Variants in PTPRK observed in about 807,000 individuals in gnomAD.
PTPRK encodes the protein receptor-type tyrosine-protein phosphatase kappa.
Under a neutral mutation model 178.0 loss-of-function variants are expected in PTPRK, and 75 were observed. The observed-to-expected ratio is 0.42, with a 90% CI of 0.35 to 0.51. PTPRK has a LOEUF of 0.51. Ranked by LOEUF, PTPRK falls within the 20% of genes least tolerant of loss-of-function variation. The pLI is 0.02. For missense variants in PTPRK, 1,441 were observed against 1,797.8 expected (o/e 0.80, Z 3.59); for synonymous variants, 637 against 620.6 (o/e 1.03, Z -0.39).
rs77003085 is a variant in PTPRK, at chr6:128,328,659, G to C, written c.224-6349C>G. ...AGGTTCTCAAATGTTTTAGTCTCAG[G>C]ACCCCTTTATACTTGTGATACTAAG... On this transcript the variant is annotated intron_variant, in intron 2 of 29. Transcript: ENST00000368226. Among the ~76,000 whole-genome samples the C allele has an allele frequency of 3.5e-3, 533 of 152,060 alleles. 2 individuals carry two copies. Among genetic ancestry groups the C allele is most frequent in the African/African-American group, 0.012 (509 of 41,462 alleles).
At chr6:128,171,624 T>C (rs1221511386) in intron 7 of PTPRK, among the ~76,000 whole-genome samples, 1 of 152,028 alleles carries the variant, frequency 6.6e-6, no homozygotes, top group Non-Finnish European at 1.5e-5. Context: ...ATGTACTGTT[T>C]GTAATAAGGG....
At chr6:127,995,132 G>T in intron 18 of PTPRK, 2 of 1,021,966 alleles carry the variant, frequency 2.0e-6, no homozygotes, top group East Asian at 2.6e-5. Context: ...ATTGTATGAA[G>T]CTAATTAGGT....
intron 7 of PTPRK, among the ~76,000 whole-genome samples, chr6:128,162,138 G>C (rs1798795689): frequency 1.3e-5 from 2 of 151,494 alleles, no homozygotes; most frequent in Non-Finnish European, 3.0e-5. Context: ...ACCTAATGAG[G>C]ATACTAGTTT....
chr6:128,026,926 A>G (rs1774412651), intron 13 of PTPRK, among the ~76,000 whole-genome samples: 1 of 152,154 alleles, frequency 6.6e-6, no homozygotes, highest in African/African-American at 2.4e-5. Flanking sequence ...CACAGCCTGT[A>G]GTCTAGTAGG....
At chr6:128,252,687 C>T (rs1816657770) in intron 3 of PTPRK, among the ~76,000 whole-genome samples, 1 of 152,104 alleles carries the variant, frequency 6.6e-6, no homozygotes, top group South Asian at 2.1e-4. Flanking sequence ...CACAAGCACA[C>T]CCACTCAACA....
At position 128,155,988 on chromosome 6, in the gene PTPRK, T is replaced by C. The variant is rs554870981; in HGVS notation, c.1162+28444A>G. 1.6e-4 allele frequency among the ~76,000 whole-genome samples: 24 copies of C among 152,046 alleles called. No homozygotes were observed. The East Asian group carries it at 4.1e-3, about 26-fold the overall frequency. ...CATAATTCTGCTGTCCACCTATCCA[T>C]TCCAGGGTACAAACACCAAGTTTAA... is the stretch of plus-strand genomic sequence containing the variant. On this transcript the variant is annotated intron_variant, in intron 7 of 29. Coordinates refer to ENST00000368226, the MANE Select transcript of PTPRK (RefSeq NM_002844.4).
intron 7 of PTPRK, among the ~76,000 whole-genome samples, chr6:128,127,880 C>A (rs1420581635): frequency 6.6e-6 from 1 of 152,078 alleles, no homozygotes; most frequent in Non-Finnish European, 1.5e-5. Flanking sequence ...TCCAATTATT[C>A]CTCTTTCAAG....
intron 6 of PTPRK, among the ~76,000 whole-genome samples, chr6:128,207,333 G>A (rs1017762348): frequency 6.6e-6 from 1 of 152,076 alleles, no homozygotes; most frequent in African/African-American, 2.4e-5. Context: ...CACCTACAGT[G>A]CTTCTCTAAT....
rs527880574 is a variant in PTPRK at position 128,129,025 on chromosome 6, A to T, written c.1163-39033T>A. On this transcript the variant is annotated intron_variant, in intron 7 of 29. Transcript: ENST00000368226. Reference sequence around the variant, plus strand: ...ACAGGCCTATTGATTTCATCAGGACATATTTCCACTAATTGCACATACTGC... The same window carrying T: ...ACAGGCCTATTGATTTCATCAGGACTTATTTCCACTAATTGCACATACTGC... Among the ~76,000 whole-genome samples, 212 of 152,350 alleles carry T rather than the reference A, an allele frequency of 1.4e-3. 1 individual carries two copies. The highest frequency in any genetic ancestry group is 5.0e-3 in the African/African-American group (208 of 41,586).
chr6:128,023,377 T>C (rs1773815632), intron 13 of PTPRK, among the ~76,000 whole-genome samples: 3 of 152,190 alleles, frequency 2.0e-5, no homozygotes, highest in Admixed American at 1.3e-4. Context: ...CAAATTTTCT[T>C]CATCAAACCT....
chr6:128,480,418 T>G (rs1321370542), intron 1 of PTPRK, among the ~76,000 whole-genome samples: 1 of 151,970 alleles, frequency 6.6e-6, no homozygotes, highest in Admixed American at 6.6e-5. Context: ...TTGTGACTCT[T>G]TCTCTTCTTT....
At chr6:128,252,546 A>G (rs1217401457) in intron 3 of PTPRK, among the ~76,000 whole-genome samples, 1 of 152,166 alleles carries the variant, frequency 6.6e-6, no homozygotes, top group Non-Finnish European at 1.5e-5. Flanking sequence ...AACAAAATAA[A>G]CCCACAAAAA....
Position 128,306,694 on chromosome 6 carries a change from G to A in PTPRK, c.495+15345C>T, listed in dbSNP as rs146264843. On this transcript the variant is annotated intron_variant, in intron 3 of 29. Coordinates refer to ENST00000368226, the MANE Select transcript of PTPRK (RefSeq NM_002844.4). ...TGCCTGTAGTCCCAGCCACTCGGGA[G>A]GCTGAGGCAGGGAGGATCACTTGAG... is the stretch of plus-strand genomic sequence containing the variant. Among the ~76,000 whole-genome samples, 905 of 152,212 alleles carry A rather than the reference G, an allele frequency of 5.9e-3. 2 individuals carry two copies. Among genetic ancestry groups the A allele is most frequent in the Middle Eastern group, 0.024 (7 of 294 alleles).
rs555827568 is a variant in PTPRK at position 128,031,313 on chromosome 6, G to C, written c.2195-22045C>G. Among the ~76,000 whole-genome samples, 5 of 152,240 alleles carry C rather than the reference G, an allele frequency of 3.3e-5. No homozygotes were observed. The South Asian group carries it at 1.0e-3, about 32-fold the overall frequency. ...ACCCAGGTCATCCGACACCAAGCTT[G>C]GTACATTTTCTTTCAAACTGCAGCT... On this transcript the variant is annotated intron_variant, in intron 13 of 29. Coordinates refer to ENST00000368226, the MANE Select transcript of PTPRK (RefSeq NM_002844.4).
intron 2 of PTPRK, among the ~76,000 whole-genome samples, chr6:128,377,396 G>A (rs1440447189): frequency 1.3e-5 from 2 of 151,962 alleles, no homozygotes; most frequent in African/African-American, 2.4e-5. Context: ...TCACTAACAC[G>A]AGAATAGCAT....
chr6:128,314,253 A>G (rs1285804532), intron 3 of PTPRK, among the ~76,000 whole-genome samples: 2 of 151,880 alleles, frequency 1.3e-5, no homozygotes, highest in Non-Finnish European at 2.9e-5. Context: ...TTTCTCATTT[A>G]TTTATCTGGA....
chr6:128,238,160 A>T (rs1435173837), intron 5 of PTPRK: 1 of 438,418 alleles, frequency 2.3e-6, no homozygotes, highest in Admixed American at 2.5e-5. Flanking sequence ...AGAAATACAT[A>T]AATTCACCAT....
chr6:128,433,366 G>C (rs1476377363), intron 1 of PTPRK, among the ~76,000 whole-genome samples: 1 of 152,090 alleles, frequency 6.6e-6, no homozygotes, highest in African/African-American at 2.4e-5. Context: ...ATGTGAATGA[G>C]AACATGTGAT....
chr6:128,158,280 G>GT (rs2114593230), intron 7 of PTPRK, among the ~76,000 whole-genome samples: 1 of 151,986 alleles, frequency 6.6e-6, no homozygotes, highest in African/African-American at 2.4e-5. Flanking sequence ...GCAGGGGGGA[G>GT]TGAAGGCATT....
Sources: gnomAD v4.1 joint callset for allele counts (sites outside exome capture counted in the v4.1 genomes callset) on GRCh38, gnomAD v4.1.1 for gene constraint, MANE v1.5 for transcripts, NCBI Gene and HGNC (gene_info 2026-07-23, HGNC 2026-07-21) for gene names.